The following TAF4B variants were observed in gnomAD, a reference collection of about 807,000 sequenced individuals.
TAF4B encodes TATA-box binding protein associated factor 4b.
A neutral mutation model predicts 86.4 loss-of-function variants in TAF4B; 38 were observed. The observed-to-expected ratio is 0.44, with a 90% confidence interval of 0.34 to 0.58. The LOEUF is 0.58. Among genes scored for constraint, TAF4B ranks in the 20% least tolerant of loss-of-function variants. The pLI, the probability that TAF4B is intolerant of heterozygous loss-of-function variation, is 0.02. For synonymous variants in TAF4B, 388 were observed against 391.2 expected (o/e 0.99, Z 0.10); for missense variants, 988 against 1,027.6 (o/e 0.96, Z 0.53).
intron 9 of TAF4B, among the ~76,000 whole-genome samples, chr18:26,304,576 G>C (rs957256459): frequency 6.6e-6 from 1 of 152,130 alleles, no homozygotes; most frequent in African/African-American, 2.4e-5. Flanking sequence ...ACTGTTTCTA[G>C]TAGACCCAGG....
intron 12 of TAF4B, among the ~76,000 whole-genome samples, chr18:26,329,005 T>TCTTCCTCC (rs1361836418): frequency 6.6e-6 from 1 of 151,906 alleles, no homozygotes; most frequent in African/African-American, 2.4e-5. Flanking sequence ...CCACTTCCTC[T>TCTTCCTCC]CTTCCTCCCT....
chr18:26,320,736 A>G (rs1185133906), intron 10 of TAF4B, among the ~76,000 whole-genome samples: 2 of 152,340 alleles, frequency 1.3e-5, no homozygotes, highest in East Asian at 1.9e-4. Flanking sequence ...AAATTAACAG[A>G]ATATGGTACT....
chr18:26,333,720 G>A (rs1006599495), intron 12 of TAF4B, among the ~76,000 whole-genome samples: 1 of 152,048 alleles, frequency 6.6e-6, no homozygotes, highest in African/African-American at 2.4e-5. Context: ...ACTTAACAGT[G>A]TCAGCAATTA....
intron 1 of TAF4B, among the ~76,000 whole-genome samples, chr18:26,235,701 A>G (rs149205936): frequency 0.044 from 6,660 of 152,258 alleles, 202 homozygotes; most frequent in Non-Finnish European, 0.061. Context: ...GCAAAGAGAA[A>G]CTGAGAGTCA....
In TAF4B at chr18:26,384,825, A is replaced by G. The variant is rs189351297; in HGVS notation, c.2422-5020A>G. On this transcript the variant is annotated intron_variant, in intron 14 of 14. Transcript: ENST00000269142. The stretch of plus-strand genomic sequence containing the variant: ...TGAGATAATTAGTGTTACTATCCCT[A>G]TTTTGCAGATTCGGAAACTGAGGCA... 4.6e-5 allele frequency among the ~76,000 whole-genome samples: 7 copies of G among 152,306 alleles called. No individual in the cohort carries two copies. In the East Asian group the frequency reaches 1.3e-3, roughly 29 times the overall value.
rs183667356 is a variant in TAF4B at position 26,319,724 on chromosome 18, G to A, written c.2003-1346G>A. 4.0e-3 allele frequency among the ~76,000 whole-genome samples: 608 copies of A among 151,520 alleles called. 3 individuals carry two copies. The highest frequency in any genetic ancestry group is 7.1e-3 in the Non-Finnish European group (484 of 67,716). On this transcript the variant is annotated intron_variant, in intron 10 of 14. Transcript: ENST00000269142. ...CCTGTCTCAACCTCTCGTGTAGCTC[G>A]GATTACAGGCATGCACCACCACGAC...
chr18:26,387,068 T>C (rs1384723114), intron 14 of TAF4B, among the ~76,000 whole-genome samples: 2 of 152,094 alleles, frequency 1.3e-5, no homozygotes, highest in African/African-American at 4.8e-5. Context: ...TGTATTGTAG[T>C]TGTTTTTTGT....
chr18:26,262,033 C>T (rs1177921634), intron 1 of TAF4B, among the ~76,000 whole-genome samples: 1 of 152,164 alleles, frequency 6.6e-6, no homozygotes, highest in Non-Finnish European at 1.5e-5. Context: ...ACATGGAACA[C>T]CTCCAGCCTG....
At chr18:26,385,472 G>A (rs1978324172) in intron 14 of TAF4B, among the ~76,000 whole-genome samples, 1 of 152,122 alleles carries the variant, frequency 6.6e-6, no homozygotes, top group African/African-American at 2.4e-5. Context: ...AATTGATCTG[G>A]CAATTTTAGA....
intron 10 of TAF4B, among the ~76,000 whole-genome samples, chr18:26,317,579 G>A (rs2056924612): frequency 6.6e-6 from 1 of 152,102 alleles, no homozygotes; most frequent in African/African-American, 2.4e-5. Context: ...TAGTCATCTT[G>A]GATTGCTGTA....
chr18:26,282,098 T>A (rs765343741), intron 6 of TAF4B, 38 bp downstream of exon 6: 1 of 1,448,994 alleles, frequency 6.9e-7, no homozygotes. Context: ...TAATTTGGAT[T>A]AGATTACTCT....
chr18:26,299,347 T>A (rs2056704062), intron 9 of TAF4B, among the ~76,000 whole-genome samples: 2 of 152,208 alleles, frequency 1.3e-5, no homozygotes, highest in African/African-American at 4.8e-5. Flanking sequence ...TATTCTAGGA[T>A]CATGAATTAC....
At chr18:26,386,404 T>C (rs1331256174) in intron 14 of TAF4B, among the ~76,000 whole-genome samples, 1 of 152,186 alleles carries the variant, frequency 6.6e-6, no homozygotes. Flanking sequence ...GGCAAGGTTT[T>C]TGGGGTAGCA....
intron 14 of TAF4B, among the ~76,000 whole-genome samples, chr18:26,378,472 C>T (rs1215996413): frequency 6.6e-6 from 1 of 152,044 alleles, no homozygotes; most frequent in African/African-American, 2.4e-5. Flanking sequence ...ACTTCTATAC[C>T]AAAGTACACC....
At chr18:26,282,542 G>A (rs1402130755) in intron 6 of TAF4B, among the ~76,000 whole-genome samples, 1 of 152,174 alleles carries the variant, frequency 6.6e-6, no homozygotes, top group Non-Finnish European at 1.5e-5. Flanking sequence ...TGAACCTTCA[G>A]CAAGTTATAA....
At chr18:26,294,634 G>A (rs2056638284) in intron 9 of TAF4B, among the ~76,000 whole-genome samples, 1 of 137,348 alleles carries the variant, frequency 7.3e-6, no homozygotes. Flanking sequence ...TATAACATTT[G>A]TATATATATG....
intron 14 of TAF4B, among the ~76,000 whole-genome samples, chr18:26,375,071 A>G (rs535955294): frequency 5.9e-5 from 9 of 152,302 alleles, no homozygotes; most frequent in Non-Finnish European, 7.4e-5. Flanking sequence ...TTATTTGGCC[A>G]TTAGCAGTCA....
chr18:26,344,807 C>T (rs922110419), intron 13 of TAF4B, among the ~76,000 whole-genome samples: 5 of 149,128 alleles, frequency 3.4e-5, no homozygotes, highest in African/African-American at 7.5e-5. Flanking sequence ...TCAGAGAGAG[C>T]GCTGGAGTGT....
chr18:26,279,701 G>T (rs1303742583), intron 5 of TAF4B, among the ~76,000 whole-genome samples: 1 of 152,122 alleles, frequency 6.6e-6, no homozygotes, highest in Non-Finnish European at 1.5e-5. Flanking sequence ...CAGAAATAAA[G>T]CTGCACACCT....
Sources: gnomAD v4.1 joint callset for allele counts (sites outside exome capture counted in the v4.1 genomes callset) on GRCh38, gnomAD v4.1.1 for gene constraint, MANE v1.5 for transcripts, NCBI Gene and HGNC (gene_info 2026-07-23, HGNC 2026-07-21) for gene names.